ULK1: variants seen among roughly 807,000 people sequenced by gnomAD.
The protein encoded by ULK1 is serine/threonine-protein kinase ULK1.
Under a neutral mutation model 117.5 loss-of-function variants are expected in ULK1, and 48 were observed. That is an observed-to-expected ratio of 0.41 (90% CI 0.32 to 0.52). ULK1 has a LOEUF of 0.52. Ranked by LOEUF, ULK1 falls within the 20% of genes least tolerant of loss-of-function variation. ULK1 has a pLI of 0.29. For missense variants in ULK1, 1,387 were observed against 1,473.4 expected (o/e 0.94, Z 0.96); for synonymous variants, 790 against 637.8 (o/e 1.24, Z -3.60).
chr12:131,900,659 C>T (rs1889049585), intron 3 of ULK1, among the ~76,000 whole-genome samples: 1 of 152,240 alleles, frequency 6.6e-6, no homozygotes, highest in African/African-American at 2.4e-5. Context: ...AGCACGCCAT[C>T]TGACAGGTTC....
rs147049737 is a variant in ULK1 at position 131,910,734 on chromosome 12, G to A, written c.882G>A (p.Ser294=). The A allele has an allele frequency of 4.8e-4, 779 of 1,612,984 alleles. 2 individuals are homozygous for A. The highest frequency in any genetic ancestry group is 6.1e-4 in the Non-Finnish European group (718 of 1,179,904). ...VRKSPPVPVP[S]YPSSGSGSSS... ...CAGCCCCACCCGTGCCTGTGCCCTC[G>A]TACCCAAGCTCGGGGTCCGGCAGCA... Residue 294 remains serine, a synonymous_variant, in exon 12 of 28, where the codon TCG becomes TCA. Coordinates refer to ENST00000321867, the MANE Select transcript of ULK1 (RefSeq NM_003565.4).
Position 131,908,911 on chromosome 12 carries a change from C to T in ULK1, c.504C>T (p.Phe168=). 1 of 1,611,416 alleles carries T rather than the reference C, an allele frequency of 6.2e-7. No individual in the cohort carries two copies. Among genetic ancestry groups the T allele is most frequent in the South Asian group, 1.1e-5 (1 of 91,088 alleles). Residue 168 remains phenylalanine, a synonymous_variant, in exon 7 of 28, where the codon TTC becomes TTT. Transcript: ENST00000321867. The stretch of plus-strand genomic sequence containing the variant: ...TCTCTCCCGCAGCTGACTTCGGCTT[C>T]GCGCGGTACCTCCAGAGCAACATGA... ...SIRVKIADFG[F]ARYLQSNMMA...
Position 131,911,974 on chromosome 12 carries a change from C to G in ULK1, c.981C>G (p.Thr327=). The change falls in exon 13 of 28, where the codon ACC becomes ACG. Residue 327 remains threonine (T), a synonymous_variant. Coordinates refer to ENST00000321867, the MANE Select transcript of ULK1 (RefSeq NM_003565.4). ...SLGEMQQLQK[T]LASPADTAGF... ...GCGAGATGCAGCAGCTGCAGAAGAC[C>G]CTGGCCTCCCCGGCTGACACCGCTG... is the stretch of plus-strand genomic sequence containing the variant. 6.2e-7 allele frequency: 1 copy of G among 1,612,842 alleles called. No homozygotes were observed. The highest frequency in any genetic ancestry group is 8.5e-7 in the Non-Finnish European group (1 of 1,179,978).
rs1268400938 is a variant in ULK1 at position 131,915,934 on chromosome 12, C to T, written c.1653C>T (p.Gly551=). 1 of 1,612,290 alleles carries T rather than the reference C, an allele frequency of 6.2e-7. No homozygotes were observed. The highest frequency in any genetic ancestry group is 1.3e-5 in the African/African-American group (1 of 74,914). The change falls in exon 19 of 28, where the codon GGC becomes GGT. Residue 551 remains glycine, a synonymous_variant. Transcript: ENST00000321867. ...ACTCTCCCCGCACTTCCGGGCTGGG[C>T]TGCCGCCTGCACAGCGCCCCCAACC... The part of the protein sequence containing the change: ...PEHSPRTSGL[G]CRLHSAPNLS...
rs545596945 is a variant in ULK1 at position 131,914,221 on chromosome 12, A to G, written c.1248-131A>G. The G allele has an allele frequency of 1.1e-5, 16 of 1,418,632 alleles. No homozygotes were observed. In the East Asian group the frequency reaches 2.5e-4, roughly 23 times the overall value. 87.9% of individuals were successfully genotyped at this position (1,418,632 alleles called of 1,614,324 possible). On this transcript the variant is annotated intron_variant, in intron 15 of 27. Transcript: ENST00000321867. Reference sequence around the variant, plus strand: ...GAAGCCGGCTCTTTTCAGACCTGGCATGGGTCTCAGGGTGGCCTCTGCCCT... The same window carrying G: ...GAAGCCGGCTCTTTTCAGACCTGGCGTGGGTCTCAGGGTGGCCTCTGCCCT...
intron 5 of ULK1, 113 bp downstream of exon 5, chr12:131,907,644 T>G: frequency 7.7e-7 from 1 of 1,305,940 alleles, no homozygotes; most frequent in Non-Finnish European, 1.0e-6. Context: ...CCTTGGCTCA[T>G]TGTGAGATTG....
intron 2 of ULK1, 24 bp downstream of exon 2, chr12:131,895,717 G>T: frequency 6.2e-7 from 1 of 1,612,238 alleles, no homozygotes; most frequent in Non-Finnish European, 8.5e-7. Flanking sequence ...GGGGGAGGGG[G>T]CGTGGGCGTG....
chr12:131,899,248 G>A (rs1180231134), intron 3 of ULK1, among the ~76,000 whole-genome samples: 2 of 150,468 alleles, frequency 1.3e-5, no homozygotes, highest in Non-Finnish European at 3.0e-5. Flanking sequence ...GAGTGCAGTG[G>A]CACCATCTCG....
intron 20 of ULK1, 126 bp from the exon 21 acceptor site, chr12:131,916,827 C>A: frequency 4.0e-6 from 4 of 1,001,274 alleles, no homozygotes; most frequent in Non-Finnish European, 5.7e-6. Context: ...GTGACAGGAG[C>A]GCCTGCCTCT....
rs1040801689 is a variant in ULK1 at position 131,916,578 on chromosome 12, G to C, written c.2059G>C (p.Gly687Arg). 3 of 1,579,596 alleles carry C rather than the reference G, an allele frequency of 1.9e-6. No individual in the cohort carries two copies. The African/African-American group carries it at 4.1e-5, about 22-fold the overall frequency. ...PGLRPGEDPK[G>R]PFGRSFSTSR... is the part of the protein sequence containing the mutation. ...CCTGCGGCCAGGCGAGGACCCCAAG[G>C]GCCCCTTTGGCCGGTGAGTTGAGGG... is the stretch of plus-strand genomic sequence containing the variant. Residue 687 changes from glycine (G) to arginine (R), a missense_variant, in exon 20 of 28, where the codon GGC (glycine) becomes CGC (arginine). Coordinates refer to ENST00000321867, the MANE Select transcript of ULK1 (RefSeq NM_003565.4).
rs1889150610 is a variant in ULK1, at chr12:131,903,154, G to A, written c.247-3738G>A. ...CAGGCCCAGCTGGGGGCCCCCGTCGGGGGGTGTTGTGGCGCAGGGCCTGGG... is the reference window on the plus strand; with the variant it reads ...CAGGCCCAGCTGGGGGCCCCCGTCGAGGGGTGTTGTGGCGCAGGGCCTGGG... On this transcript the variant is annotated intron_variant, in intron 3 of 27. Coordinates refer to ENST00000321867, the MANE Select transcript of ULK1 (RefSeq NM_003565.4). This position sits in a 1 kb window ranked among gnomAD's most constrained non-coding sequence, Gnocchi z 6.0. Among the ~76,000 whole-genome samples, 1 of 152,154 alleles carries A rather than the reference G, an allele frequency of 6.6e-6. No individual in the cohort carries two copies. Among genetic ancestry groups the A allele is most frequent in the Non-Finnish European group, 1.5e-5 (1 of 68,000 alleles).
At position 131,910,415 on chromosome 12, in the gene ULK1, G is replaced by A. The variant is rs112609769; in HGVS notation, c.859+111G>A. On this transcript the variant is annotated intron_variant, in intron 11 of 27. Coordinates refer to ENST00000321867, the MANE Select transcript of ULK1 (RefSeq NM_003565.4). ...GCAGAGGGAGCAGGTCTTGAGCTGC[G>A]GCCAGCTCCCAGGGAGGGCAGGACA... 2.3e-3 allele frequency: 3,434 copies of A among 1,499,542 alleles called. 65 individuals carry two copies. In the African/African-American group the frequency reaches 0.04, roughly 17 times the overall value. 92.9% of individuals were successfully genotyped at this position (1,499,542 alleles called of 1,614,324 possible).
intron 17 of ULK1, 50 bp downstream of exon 17, chr12:131,915,281 G>C (rs1889724027): frequency 6.2e-7 from 1 of 1,609,622 alleles, no homozygotes; most frequent in Non-Finnish European, 8.5e-7. Flanking sequence ...GGCAGTGGGT[G>C]AGGAGGCTGT....
At chr12:131,900,635 T>C (rs1889047891) in intron 3 of ULK1, among the ~76,000 whole-genome samples, 1 of 148,732 alleles carries the variant, frequency 6.7e-6, no homozygotes, top group East Asian at 2.9e-4. Flanking sequence ...TTGCTGATGG[T>C]GGCCCCCCTG....
At position 131,908,561 on chromosome 12, in the gene ULK1, T is replaced by C. The variant is rs1307705338; in HGVS notation, c.317-83T>C. On this transcript the variant is annotated intron_variant, in intron 5 of 27. Coordinates refer to ENST00000321867, the MANE Select transcript of ULK1 (RefSeq NM_003565.4). ...CCCTGCCTGGCGCTCTCCATCCGTG[T>C]GGCGGGACCGGCCTGGCTGCGCGGG... The C allele has an allele frequency of 1.6e-5, 23 of 1,396,548 alleles. No individual in the cohort carries two copies. The African/African-American group carries it at 2.6e-4, about 16-fold the overall frequency. 86.5% of individuals were successfully genotyped at this position (1,396,548 alleles called of 1,614,324 possible).
In ULK1 at chr12:131,895,697, A is replaced by G; in HGVS notation, c.204+4A>G. ...GAAGGAAATCAAAATCCTGAAGGTG[A>G]GCCAGTGCTGGGGGAGGGGGCGTGG... On this transcript the variant is annotated splice_donor_region_variant and intron_variant, in intron 2 of 27. Transcript: ENST00000321867. The G allele has an allele frequency of 6.2e-7, 1 of 1,614,152 alleles. No homozygotes were observed. The highest frequency in any genetic ancestry group is 8.5e-7 in the Non-Finnish European group (1 of 1,179,984).
intron 16 of ULK1, 56 bp from the exon 17 acceptor site, chr12:131,915,027 C>T: frequency 6.6e-7 from 1 of 1,509,170 alleles, no homozygotes; most frequent in Non-Finnish European, 8.8e-7. Context: ...CTCTGCCGTC[C>T]ACAGGTCAGG....
chr12:131,897,817 T>A (rs1888935238), intron 3 of ULK1: 1 of 152,108 alleles, frequency 6.6e-6, no homozygotes, highest in South Asian at 2.1e-4. Context: ...GAGGATTGAT[T>A]AAACCCAGGA....
At chr12:131,918,439 G>C (rs2136410032) in intron 22 of ULK1, 58 bp from the exon 23 acceptor site, 1 of 1,540,254 alleles carries the variant, frequency 6.5e-7, no homozygotes, top group Non-Finnish European at 8.8e-7. Context: ...GTGGGGGATG[G>C]ATGGGGGCCA....
Sources: gnomAD v4.1 joint callset for allele counts (sites outside exome capture counted in the v4.1 genomes callset) on GRCh38, gnomAD v4.1.1 for gene constraint, Gnocchi (gnomAD v3.1) non-coding constraint, MANE v1.5 for transcripts, NCBI Gene and HGNC (gene_info 2026-07-23, HGNC 2026-07-21) for gene names.